Variants in SEC14L6 observed in about 807,000 individuals in gnomAD.
The protein encoded by SEC14L6 is SEC14-like protein 6.
SEC14L6 carries 40 observed loss-of-function variants against 54.1 expected under a neutral mutation model. That is an observed-to-expected ratio of 0.74 (90% CI 0.57 to 0.96). The LOEUF is 0.96. Among genes scored for constraint, SEC14L6 ranks in the 40% least tolerant of loss-of-function variants. The probability of loss-of-function intolerance (pLI) is 0.00; values close to 1 mark genes in which losing one functional copy is unlikely to be tolerated. For missense variants in SEC14L6, 471 were observed against 498.3 expected, an observed-to-expected ratio of 0.95 and a Z score of 0.52; for synonymous variants, 171 against 198.4, an observed-to-expected ratio of 0.86 and a Z score of 1.16.
chr22:30,546,556 A>G, intron 1 of SEC14L6, 73 bp downstream of exon 1: 1 of 1,386,820 alleles, frequency 7.2e-7, no homozygotes, highest in Non-Finnish European at 1.0e-6. Flanking sequence ...AAACTCAGGG[A>G]CCTTGAGTCC....
chr22:30,546,545 G>T, intron 1 of SEC14L6, 84 bp downstream of exon 1: 1 of 1,312,604 alleles, frequency 7.6e-7, no homozygotes, highest in Non-Finnish European at 1.1e-6. Flanking sequence ...GAGTTCAGAA[G>T]AAACTCAGGG....
intron 8 of SEC14L6, among the ~76,000 whole-genome samples, chr22:30,526,559 A>G (rs774221312): frequency 1.3e-5 from 2 of 152,088 alleles, no homozygotes; most frequent in African/African-American, 4.8e-5. Context: ...AAGCCCCCTA[A>G]TTTGGCATAA....
In SEC14L6 at chr22:30,532,515, AC is replaced by A; in HGVS notation, c.423+9del. 1.3e-6 allele frequency: 2 copies of A among 1,542,822 alleles called. No homozygotes were observed. Among genetic ancestry groups the A allele is most frequent in the East Asian group, 4.9e-5 (2 of 40,778 alleles). On this transcript the variant is annotated intron_variant, in intron 5 of 11. Coordinates refer to ENST00000402034, the MANE Select transcript of SEC14L6 (RefSeq NM_001193336.4). ...TCCGGCTGCAGCTGCCCAGGGTGGC[AC>A]CCACACACCTTCTGACTCTGCAGCT...
chr22:30,543,692 T>A (rs1421182111), intron 1 of SEC14L6: 2 of 1,610,300 alleles, frequency 1.2e-6, no homozygotes, highest in Non-Finnish European at 1.7e-6. Flanking sequence ...ATCTATATTG[T>A]GGTGGGCGTG....
In SEC14L6 at chr22:30,525,835, G is replaced by T; in HGVS notation, c.762C>A (p.Cys254Ter). The change falls in exon 9 of 12, where the codon TGC becomes TGA. Residue 254 changes from cysteine to a stop codon, truncating the protein, a stop_gained. Transcript: ENST00000402034. LOFTEE classifies it high-confidence loss of function. The stretch of plus-strand genomic sequence containing the variant: ...TCTGGGCACCCTGTACCTTGGTCAG[G>T]CACTTGGGGTTGCCATCGGGGTCAG... ...TMTDPDGNPKCLTKINYGGEV... is the reference protein window; with the variant it reads ...TMTDPDGNPK 1 of 1,613,680 alleles carries T rather than the reference G, an allele frequency of 6.2e-7. No homozygotes were observed. The highest frequency in any genetic ancestry group is 8.5e-7 in the Non-Finnish European group (1 of 1,179,742).
Position 30,525,010 on chromosome 22 carries a change from A to G in SEC14L6, c.1181T>C (p.Met394Thr). 6.5e-7 allele frequency: 1 copy of G among 1,527,962 alleles called. No homozygotes were observed. Among genetic ancestry groups the G allele is most frequent in the Non-Finnish European group, 8.9e-7 (1 of 1,126,342 alleles). 94.7% of individuals were successfully genotyped at this position (1,527,962 alleles called of 1,614,324 possible). The change falls in exon 12 of 12, where the codon ATG becomes ACG. Residue 394 changes from methionine (M) to threonine (T), a missense_variant. By Grantham distance (81) the Met-to-Thr change is moderately conservative. Transcript: ENST00000402034. ...CATGAGGTTCACCTAGAATTTCTCC[A>G]TCTTCTCCATGAAGGTTTGGTCTGG... ...LLPDQTFMEK[M>T]EKF
chr22:30,539,183 C>T (rs1029092717), intron 1 of SEC14L6, among the ~76,000 whole-genome samples: 1 of 152,124 alleles, frequency 6.6e-6, no homozygotes, highest in African/African-American at 2.4e-5. Flanking sequence ...TTGAGACCAG[C>T]CTGGCCAACA....
intron 2 of SEC14L6, among the ~76,000 whole-genome samples, chr22:30,538,194 T>A (rs1368777124): frequency 1.3e-5 from 2 of 151,916 alleles, no homozygotes; most frequent in African/African-American, 4.8e-5. Context: ...AAAAATTAGC[T>A]GGGCATGGTG....
In SEC14L6 at chr22:30,544,165, C is replaced by T. The variant is rs116821802; in HGVS notation, c.54+2464G>A. On this transcript the variant is annotated intron_variant, in intron 1 of 11. Transcript: ENST00000402034. ...AGCCGCCATGATGAGCACAGCCAGCCCAGTTCCCGGAGGGCTGGGGCGGTG... is the reference window on the plus strand; with the variant it reads ...AGCCGCCATGATGAGCACAGCCAGCTCAGTTCCCGGAGGGCTGGGGCGGTG... The T allele has an allele frequency of 4.7e-3, 4,768 of 1,022,744 alleles. 159 individuals are homozygous for T. In the African/African-American group the frequency reaches 0.067, roughly 14 times the overall value. The allele number at this position is 1,022,744 out of a possible 1,614,324, so 63.4% of individuals were successfully genotyped here.
At chr22:30,528,949 G>T (rs1936871616) in intron 8 of SEC14L6, 138 bp downstream of exon 8, 4 of 708,728 alleles carry the variant, frequency 5.6e-6, no homozygotes, top group Non-Finnish European at 9.4e-6. Context: ...AGCCCACCTG[G>T]CAGCCCACCA....
chr22:30,536,751 A>G (rs2085606074), intron 2 of SEC14L6, among the ~76,000 whole-genome samples: 1 of 152,116 alleles, frequency 6.6e-6, no homozygotes, highest in Non-Finnish European at 1.5e-5. Context: ...ATGGCCGGGC[A>G]CAGTGGCTCA....
rs148500102 is a variant in SEC14L6, at chr22:30,539,410, A to G, written c.55-508T>C. Among the ~76,000 whole-genome samples, 1,039 of 152,282 alleles carry G rather than the reference A, an allele frequency of 6.8e-3. 12 individuals are homozygous for G. The highest frequency in any genetic ancestry group is 0.031 in the Middle Eastern group (9 of 294). ...AAGAACCTACTACACTAAACATCAG[A>G]GAGAATTAAATGTGGATTAAACACA... On this transcript the variant is annotated intron_variant, in intron 1 of 11. Coordinates refer to ENST00000402034, the MANE Select transcript of SEC14L6 (RefSeq NM_001193336.4).
chr22:30,539,133 TTGGGAGGCAGAGG>T (rs1490886438), intron 1 of SEC14L6, among the ~76,000 whole-genome samples: 4 of 152,048 alleles, frequency 2.6e-5, no homozygotes, highest in Non-Finnish European at 5.9e-5. Context: ...TCCCAGCACT[TTGGGAGGCAGAGG>T]TGGGAGGATC....
chr22:30,533,150 TG>T, intron 3 of SEC14L6: 1 of 985,372 alleles, frequency 1.0e-6, no homozygotes, highest in Non-Finnish European at 1.2e-6. Flanking sequence ...ATGGCTGCCC[TG>T]GGAGTCAGAC....
At chr22:30,538,775 C>T in intron 2 of SEC14L6, 52 bp downstream of exon 2, 1 of 1,233,274 alleles carries the variant, frequency 8.1e-7, no homozygotes, top group Non-Finnish European at 1.2e-6. Flanking sequence ...ATACCAAATA[C>T]ACTCCTCTTT....
In SEC14L6 at chr22:30,522,975, GCTGA is replaced by G. The variant is rs1426985636; in HGVS notation, c.*2018_*2021del. On this transcript the variant is annotated 3_prime_UTR_variant, in exon 12 of 12. Transcript: ENST00000402034. Reference sequence around the variant, plus strand: ...AGTGAATGAATCTCAGAGGCATTATGCTGACTAAAGAAAGCCAGAATCAAAAGGC... The same window carrying G: ...AGTGAATGAATCTCAGAGGCATTATGCTAAAGAAAGCCAGAATCAAAAGGC... The G allele has an allele frequency of 6.6e-6, 1 of 152,210 alleles. No individual in the cohort carries two copies. The allele number at this position is 152,210 out of a possible 1,614,324, so 9.4% of individuals were successfully genotyped here.
intron 1 of SEC14L6, among the ~76,000 whole-genome samples, chr22:30,540,682 C>T (rs2085688794): frequency 6.7e-6 from 1 of 149,582 alleles, no homozygotes; most frequent in Non-Finnish European, 1.5e-5. Flanking sequence ...TGTCACTGCA[C>T]TCCAGCCTGG....
At position 30,525,603 on chromosome 22, in the gene SEC14L6, A is replaced by G. The variant is rs562617861; in HGVS notation, c.911+8T>C. 1.2e-6 allele frequency: 2 copies of G among 1,609,168 alleles called. No individual in the cohort carries two copies. Among genetic ancestry groups the G allele is most frequent in the Admixed American group, 1.7e-5 (1 of 59,362 alleles). On this transcript the variant is annotated splice_region_variant and intron_variant, in intron 10 of 11. Transcript: ENST00000402034. ...TGTGCCCAGGTGTAGAGTGGCTGCC[A>G]TCCCTACCTGAGCACACAGCCCGGG...
chr22:30,542,724 C>G, intron 1 of SEC14L6: 2 of 1,570,188 alleles, frequency 1.3e-6, no homozygotes, highest in South Asian at 1.1e-5. Flanking sequence ...GAGAGTCGGC[C>G]GCTCTGCAGT....
Sources: gnomAD v4.1 joint callset for allele counts (sites outside exome capture counted in the v4.1 genomes callset) on GRCh38, gnomAD v4.1.1 for gene constraint, MANE v1.5 for transcripts, NCBI Gene and HGNC (gene_info 2026-07-23, HGNC 2026-07-21) for gene names.